Variants in CREM observed in about 807,000 individuals in gnomAD.
The protein encoded by CREM is cAMP-responsive element modulator.
Under a neutral mutation model 37.3 loss-of-function variants are expected in CREM, and 13 were observed. The observed-to-expected ratio is 0.35, with a 90% CI of 0.23 to 0.55. The LOEUF (loss-of-function observed/expected upper bound fraction) is 0.55. Ranked by LOEUF, CREM falls within the 20% of genes least tolerant of loss-of-function variation. The pLI is 0.88. For missense variants in CREM, 296 were observed against 362.3 expected (o/e 0.82, Z 1.49); for synonymous variants, 124 against 120.2 (o/e 1.03, Z -0.21).
At chr10:35,127,718 G>A in intron 1 of CREM, among the ~76,000 whole-genome samples, 1 of 152,222 alleles carries the variant, frequency 6.6e-6, no homozygotes. Flanking sequence ...GGCAGTCTCC[G>A]GAGTGGGAAG....
rs539278454 is a variant in CREM at position 35,169,360 on chromosome 10, A to G, written c.169-9529A>G. Among the ~76,000 whole-genome samples the G allele has an allele frequency of 1.7e-3, 259 of 152,240 alleles. 1 individual carries two copies. The highest frequency in any genetic ancestry group is 5.8e-3 in the African/African-American group (240 of 41,536). The stretch of plus-strand genomic sequence containing the variant: ...TAGGTATTTTATTCTCTTTGAAGCA[A>G]TTGTGAATGGGAGTTCACTCATGAT... On this transcript the variant is annotated intron_variant, in intron 3 of 7. Transcript: ENST00000685392.
intron 3 of CREM, among the ~76,000 whole-genome samples, chr10:35,152,656 T>C (rs988382089): frequency 2.1e-4 from 32 of 152,234 alleles, no homozygotes; most frequent in Admixed American, 1.9e-3. Context: ...TGTGTTGATA[T>C]ACAGGACTAG....
rs1330072168 is a variant in CREM, at chr10:35,211,533, T to C, written c.*135T>C. ...GTTTGGATTAGTGTTTGAAATTGAA[T>C]TGGGAATGTTGTTCCAGGATGTGGA... On this transcript the variant is annotated 3_prime_UTR_variant, in exon 8 of 8. Coordinates refer to ENST00000685392, the MANE Select transcript of CREM (RefSeq NM_183011.2). The C allele has an allele frequency of 1.3e-6, 2 of 1,493,008 alleles. No homozygotes were observed. Among genetic ancestry groups the C allele is most frequent in the Non-Finnish European group, 1.8e-6 (2 of 1,106,298 alleles). The allele number at this position is 1,493,008 out of a possible 1,614,324, so 92.5% of individuals were successfully genotyped here. A position where few individuals can be genotyped will look rare whatever the true frequency, so the allele number is the denominator to read the frequency against.
intron 5 of CREM, chr10:35,179,870 G>A (rs992888314): frequency 1.3e-5 from 2 of 152,310 alleles, no homozygotes; most frequent in Non-Finnish European, 2.9e-5. Context: ...TTAATGGACC[G>A]TTAATTCTGT....
chr10:35,170,546 G>A (rs551800240), intron 3 of CREM, among the ~76,000 whole-genome samples: 7 of 152,110 alleles, frequency 4.6e-5, no homozygotes, highest in African/African-American at 9.6e-5. Flanking sequence ...TTTTTTGGTT[G>A]GTAGGCTATT....
chr10:35,186,740 AGTT>A (rs1285590666), intron 5 of CREM, among the ~76,000 whole-genome samples: 1 of 134,222 alleles, frequency 7.5e-6, no homozygotes, highest in African/African-American at 2.8e-5. Flanking sequence ...AATTATATAT[AGTT>A]ATAATTATAT....
At chr10:35,186,003 G>C (rs2094541544) in intron 5 of CREM, among the ~76,000 whole-genome samples, 1 of 152,154 alleles carries the variant, frequency 6.6e-6, no homozygotes, top group Non-Finnish European at 1.5e-5. Context: ...TTGCCTAGAT[G>C]CCTTTAAAAA....
chr10:35,187,108 T>TTATATAAA (rs1325249515), intron 5 of CREM, among the ~76,000 whole-genome samples: 1 of 75,092 alleles, frequency 1.3e-5, no homozygotes, highest in Admixed American at 2.4e-4. Context: ...ATGATATATA[T>TTATATAAA]TATATAAATA....
At chr10:35,176,159 G>A (rs1372724956) in intron 3 of CREM, among the ~76,000 whole-genome samples, 2 of 152,122 alleles carry the variant, frequency 1.3e-5, no homozygotes, top group African/African-American at 4.8e-5. Flanking sequence ...GGTGCTCTGT[G>A]TCCTGCTAGG....
chr10:35,158,798 G>GTTT (rs543961468), intron 3 of CREM, among the ~76,000 whole-genome samples: 5 of 100,838 alleles, frequency 5.0e-5, no homozygotes, highest in South Asian at 3.5e-4. Flanking sequence ...CAAATATAGT[G>GTTT]TTTTTTTTTT....
chr10:35,148,170 G>T (rs986600497), intron 2 of CREM, among the ~76,000 whole-genome samples, 198 bp from the exon 3 acceptor site: 4 of 152,046 alleles, frequency 2.6e-5, no homozygotes, highest in Non-Finnish European at 2.9e-5. Flanking sequence ...TAATGATTTT[G>T]TACAGGATAC....
At position 35,207,020 on chromosome 10, in the gene CREM, C is replaced by T. The variant is rs760612758; in HGVS notation, c.724C>T (p.Arg242Cys). The part of the protein sequence containing the change: ...SPQQLAEEAT[R>C]KRELRLMKNR... ...CCAGCAGCTGGCAGAAGAAGCAACA[C>T]GCAAACGAGAGCTGAGGCTAATGAA... Residue 242 changes from arginine (R) to cysteine (C), a missense_variant, in exon 7 of 8, where the codon CGC (arginine) becomes TGC (cysteine). Physicochemically the swap from Arg to Cys is radical, Grantham distance 180. Around this residue, in one of 2 missense-constraint regions of CREM, gnomAD observed 39 missense variants for 82.0 expected, o/e 0.48. Coordinates refer to ENST00000685392, the MANE Select transcript of CREM (RefSeq NM_183011.2). The T allele has an allele frequency of 6.2e-6, 10 of 1,614,022 alleles. No individual in the cohort carries two copies. In the East Asian group the frequency reaches 6.7e-5, roughly 11 times the overall value.
chr10:35,140,682 A>G (rs759523384), intron 2 of CREM, among the ~76,000 whole-genome samples: 1 of 152,226 alleles, frequency 6.6e-6, no homozygotes, highest in Admixed American at 6.5e-5. Context: ...TGGGAACTCA[A>G]AAGAGAATAA....
At chr10:35,149,432 G>T (rs1004336260) in intron 3 of CREM, among the ~76,000 whole-genome samples, 2 of 152,098 alleles carry the variant, frequency 1.3e-5, no homozygotes, top group African/African-American at 4.8e-5. Flanking sequence ...ACATTTCAGG[G>T]TTTAGAGTAC....
chr10:35,134,882 ACAAAAAT>A (rs2090175030), intron 1 of CREM, among the ~76,000 whole-genome samples: 1 of 151,964 alleles, frequency 6.6e-6, no homozygotes, highest in African/African-American at 2.4e-5. Context: ...TACTAAAAAT[ACAAAAAT>A]TAGCCGAGCA....
chr10:35,193,165 A>G (rs1468636711), intron 6 of CREM, among the ~76,000 whole-genome samples: 1 of 152,144 alleles, frequency 6.6e-6, no homozygotes. Context: ...GGTAAGTTCT[A>G]TTTGGACAAA....
chr10:35,212,810 A>G lies in CREM; in HGVS notation c.*1412A>G, dbSNP rs1277591150. The G allele has an allele frequency of 6.5e-6, 1 of 152,712 alleles. No individual in the cohort carries two copies. Among genetic ancestry groups the G allele is most frequent in the Non-Finnish European group, 1.5e-5 (1 of 68,020 alleles). The allele number at this position is 152,712 out of a possible 1,614,324, so 9.5% of individuals were successfully genotyped here. Reference sequence around the variant, plus strand: ...AACATCCCAAGATTTTTTCATTTCAAAATGCTTCAAAGTCCACATTAGATC... The same window carrying G: ...AACATCCCAAGATTTTTTCATTTCAGAATGCTTCAAAGTCCACATTAGATC... On this transcript the variant is annotated 3_prime_UTR_variant, in exon 8 of 8. Transcript: ENST00000685392.
Position 35,206,973 on chromosome 10 carries a change from C to T in CREM, c.677C>T (p.Ser226Leu), listed in dbSNP as rs52806860. 3.4e-3 allele frequency: 5,535 copies of T among 1,614,030 alleles called. 15 individuals carry two copies. Among genetic ancestry groups the T allele is most frequent in the Non-Finnish European group, 4.4e-3 (5,139 of 1,180,018 alleles). The stretch of plus-strand genomic sequence containing the variant: ...CCACAGGGAGTGGTGATGGCTGCAT[C>T]GCCCGGAAGTTTGCACAGTCCCCAG... ...ALPQGVVMAA[S>L]PGSLHSPQQL... The change falls in exon 7 of 8, where the codon TCG becomes TTG. Residue 226 changes from serine (S) to leucine (L), a missense_variant. Transcript: ENST00000685392.
At chr10:35,200,326 GAA>G (rs1324543783) in intron 6 of CREM, among the ~76,000 whole-genome samples, 1 of 152,092 alleles carries the variant, frequency 6.6e-6, no homozygotes, top group Non-Finnish European at 1.5e-5. Context: ...TTCACATACT[GAA>G]CTTTAAAAGG....
Sources: allele counts gnomAD v4.1 joint callset (sites outside exome capture counted in the v4.1 genomes callset), GRCh38; gene constraint gnomAD v4.1.1; regional missense constraint gnomAD v4.1.1; transcripts MANE v1.5; gene names NCBI Gene and HGNC (gene_info 2026-07-23, HGNC 2026-07-21).